Variants in PRKG1 observed in about 807,000 individuals in gnomAD.
The protein encoded by PRKG1 is cGMP-dependent protein kinase 1.
PRKG1 carries 35 observed loss-of-function variants against 88.1 expected under a neutral mutation model. The ratio of observed to expected loss-of-function variants is 0.40; its 90% CI spans 0.30 to 0.53. PRKG1 has a LOEUF of 0.53. Among genes scored for constraint, PRKG1 ranks in the 20% least tolerant of loss-of-function variants. The pLI is 0.59. For synonymous variants in PRKG1, 303 were observed against 292.5 expected (o/e 1.04, Z -0.37); for missense variants, 540 against 839.8 (o/e 0.64, Z 4.41).
At chr10:51,722,494 T>G (rs898378889) in intron 3 of PRKG1, among the ~76,000 whole-genome samples, 2 of 151,968 alleles carry the variant, frequency 1.3e-5, no homozygotes, top group Non-Finnish European at 2.9e-5. Context: ...TTATTAAGTA[T>G]CTACTGTTTT....
At chr10:51,946,681 C>G (rs778391386) in intron 5 of PRKG1, among the ~76,000 whole-genome samples, 1 of 152,106 alleles carries the variant, frequency 6.6e-6, no homozygotes, top group Non-Finnish European at 1.5e-5. Context: ...TCCTAAGAGA[C>G]AGGACCCTCA....
intron 2 of PRKG1, among the ~76,000 whole-genome samples, chr10:51,208,782 T>C (rs888843825): frequency 4.6e-5 from 7 of 152,190 alleles, no homozygotes; most frequent in Admixed American, 1.3e-4. Context: ...TGACATGTGT[T>C]AGTATTTTGA....
intron 2 of PRKG1, among the ~76,000 whole-genome samples, chr10:51,247,740 T>G (rs1187163600): frequency 6.6e-6 from 1 of 151,910 alleles, no homozygotes; most frequent in Non-Finnish European, 1.5e-5. Flanking sequence ...TATTGCTGTG[T>G]CTTTTCTTTC....
At chr10:51,824,924 G>A (rs1839846658) in intron 4 of PRKG1, among the ~76,000 whole-genome samples, 1 of 151,970 alleles carries the variant, frequency 6.6e-6, no homozygotes, top group East Asian at 1.9e-4. Flanking sequence ...AGATTTGGAG[G>A]GACAATACCC....
At chr10:51,162,990 A>G (rs1346919850) in intron 2 of PRKG1, among the ~76,000 whole-genome samples, 1 of 151,952 alleles carries the variant, frequency 6.6e-6, no homozygotes, top group Non-Finnish European at 1.5e-5. Context: ...AACTTTTGGG[A>G]TTACAGAAAT....
intron 3 of PRKG1, among the ~76,000 whole-genome samples, chr10:51,560,919 A>T (rs1025115203): frequency 6.6e-6 from 1 of 151,972 alleles, no homozygotes; most frequent in Non-Finnish European, 1.5e-5. Context: ...CCACAACTAA[A>T]ATAAATTCTG....
intron 7 of PRKG1, among the ~76,000 whole-genome samples, chr10:52,070,191 A>G (rs968038742): frequency 3.3e-5 from 5 of 152,188 alleles, no homozygotes; most frequent in African/African-American, 1.2e-4. Context: ...TCCTTTGCCC[A>G]CTATTGCTCC....
chr10:51,800,367 G>T (rs1215751315), intron 3 of PRKG1, among the ~76,000 whole-genome samples: 1 of 152,008 alleles, frequency 6.6e-6, no homozygotes, highest in Non-Finnish European at 1.5e-5. Context: ...TGAAAATATT[G>T]TGTAACTCGA....
intron 7 of PRKG1, among the ~76,000 whole-genome samples, chr10:52,098,536 C>G (rs10762564): frequency 0.47 from 70,760 of 151,972 alleles, 16,833 homozygotes; most frequent in Non-Finnish European, 0.51. Flanking sequence ...ATAGGCCGGG[C>G]GCGGTGGCTC....
chr10:52,206,835 G>T (rs573929276), intron 9 of PRKG1, among the ~76,000 whole-genome samples: 6 of 152,168 alleles, frequency 3.9e-5, no homozygotes, highest in Non-Finnish European at 7.3e-5. Context: ...ACACTGATGG[G>T]GGTTGCCAAC....
intron 2 of PRKG1, among the ~76,000 whole-genome samples, chr10:51,192,911 G>A (rs950791021): frequency 3.9e-5 from 6 of 151,916 alleles, no homozygotes; most frequent in African/African-American, 1.4e-4. Flanking sequence ...TTGAGCATTT[G>A]TTGGAAAAAT....
intron 2 of PRKG1, among the ~76,000 whole-genome samples, chr10:51,262,707 C>A (rs990035834): frequency 6.6e-6 from 1 of 152,044 alleles, no homozygotes; most frequent in Non-Finnish European, 1.5e-5. Flanking sequence ...CGGAAACTTA[C>A]GATCATGGCA....
At chr10:51,261,131 GA>G (rs1839694301) in intron 2 of PRKG1, among the ~76,000 whole-genome samples, 1 of 152,160 alleles carries the variant, frequency 6.6e-6, no homozygotes, top group South Asian at 2.1e-4. Context: ...AATACAAATG[GA>G]GAGAATTTTG....
chr10:52,090,190 G>C (rs910979692), intron 7 of PRKG1, among the ~76,000 whole-genome samples: 6 of 151,812 alleles, frequency 4.0e-5, no homozygotes, highest in African/African-American at 1.5e-4. Context: ...CTATACCTGG[G>C]GTAGGAAATT....
At chr10:52,041,918 T>C (rs1233437335) in intron 5 of PRKG1, among the ~76,000 whole-genome samples, 1 of 151,918 alleles carries the variant, frequency 6.6e-6, no homozygotes, top group Non-Finnish European at 1.5e-5. Flanking sequence ...GTGAACTATC[T>C]AAAAAAGAAA....
At chr10:52,026,171 T>C (rs1845332208) in intron 5 of PRKG1, among the ~76,000 whole-genome samples, 1 of 152,116 alleles carries the variant, frequency 6.6e-6, no homozygotes, top group African/African-American at 2.4e-5. Flanking sequence ...CTTATTTTTA[T>C]CTATGAAAAA....
intron 3 of PRKG1, among the ~76,000 whole-genome samples, chr10:51,556,127 T>C (rs1035333505): frequency 1.3e-5 from 2 of 151,986 alleles, no homozygotes; most frequent in Non-Finnish European, 2.9e-5. Context: ...TATTCTAGGC[T>C]CTCTCAAGCC....
chr10:51,524,945 T>C (rs1841838449), intron 3 of PRKG1, among the ~76,000 whole-genome samples: 1 of 152,220 alleles, frequency 6.6e-6, no homozygotes, highest in Non-Finnish European at 1.5e-5. Context: ...TTTAAAATAA[T>C]GTCATTAAAT....
chr10:51,518,627 G>A (rs995185904), intron 3 of PRKG1, among the ~76,000 whole-genome samples: 8 of 152,172 alleles, frequency 5.3e-5, no homozygotes, highest in Non-Finnish European at 1.2e-4. Flanking sequence ...ACATTCCAGT[G>A]GGAGATAATG....
Sources: gnomAD v4.1 joint callset for allele counts (sites outside exome capture counted in the v4.1 genomes callset) on GRCh38, gnomAD v4.1.1 for gene constraint, MANE v1.5 for transcripts, NCBI Gene and HGNC (gene_info 2026-07-23, HGNC 2026-07-21) for gene names.